NRXN1: variants seen among roughly 807,000 people sequenced by gnomAD.
NRXN1 encodes neurexin 1.
NRXN1 carries 39 observed loss-of-function variants against 150.9 expected under a neutral mutation model. The observed-to-expected ratio is 0.26, with a 90% CI of 0.20 to 0.34. The LOEUF is 0.34. Ranked by LOEUF, NRXN1 falls within the 10% of genes least tolerant of loss-of-function variation. The pLI, the probability that NRXN1 is intolerant of heterozygous loss-of-function variation, is 1.00. For synonymous variants in NRXN1, 924 were observed against 757.0 expected (o/e 1.22, Z -3.62); for missense variants, 1,815 against 1,949.9 (o/e 0.93, Z 1.30).
intron 5 of NRXN1, among the ~76,000 whole-genome samples, chr2:50,697,262 T>A (rs1444051733): frequency 1.3e-5 from 2 of 152,158 alleles, no homozygotes; most frequent in African/African-American, 4.8e-5. Flanking sequence ...AGGAAAAGTT[T>A]TTTTAGAAAA....
intron 5 of NRXN1, among the ~76,000 whole-genome samples, chr2:50,884,661 CACTTGAAACTCTATGGAA>C (rs1286295360): frequency 6.6e-6 from 1 of 151,416 alleles, no homozygotes; most frequent in Non-Finnish European, 1.5e-5. Flanking sequence ...GTAATATCTA[CACTTGAAACTCTATGGAA>C]ACTTGAAACT....
At chr2:50,232,382 C>CTTTTTTTTTTTTTTTTTTT (rs1478653799) in intron 18 of NRXN1, among the ~76,000 whole-genome samples, 1 of 113,972 alleles carries the variant, frequency 8.8e-6, no homozygotes, top group Non-Finnish European at 1.8e-5. Context: ...TCTTTCTTTT[C>CTTTTTTTTTTTTTTTTTTT]TTTTCTTTTT....
intron 2 of NRXN1, among the ~76,000 whole-genome samples, chr2:50,972,972 A>C (rs1055916737): frequency 1.3e-5 from 2 of 152,246 alleles, no homozygotes; most frequent in African/African-American, 4.8e-5. Context: ...AAATTAACTC[A>C]GTGGCCCTGT....
At chr2:50,708,720 G>C (rs1694761822) in intron 5 of NRXN1, among the ~76,000 whole-genome samples, 1 of 152,122 alleles carries the variant, frequency 6.6e-6, no homozygotes, top group South Asian at 2.1e-4. Flanking sequence ...AAGGTGTAAA[G>C]TATCGGTGGG....
intron 18 of NRXN1, among the ~76,000 whole-genome samples, chr2:50,184,143 C>T (rs1167269093): frequency 2.6e-5 from 4 of 152,028 alleles, no homozygotes; most frequent in Non-Finnish European, 5.9e-5. Context: ...CTCCATAATT[C>T]ATATTAAACA....
intron 5 of NRXN1, chr2:50,829,553 G>C: frequency 6.2e-7 from 1 of 1,611,632 alleles, no homozygotes; most frequent in East Asian, 2.2e-5. Context: ...TCTTAGGAGG[G>C]GTTTTCTTAA....
chr2:50,673,846 G>A (rs547289260), intron 5 of NRXN1, among the ~76,000 whole-genome samples: 9 of 152,050 alleles, frequency 5.9e-5, no homozygotes, highest in African/African-American at 2.2e-4. Context: ...CTACACCATG[G>A]AATACTATGC....
intron 5 of NRXN1, among the ~76,000 whole-genome samples, chr2:50,711,393 T>C (rs979083053): frequency 2.7e-5 from 4 of 147,444 alleles, no homozygotes; most frequent in Non-Finnish European, 5.9e-5. Flanking sequence ...TGGAGTGCAA[T>C]GGCACAATCT....
intron 5 of NRXN1, among the ~76,000 whole-genome samples, chr2:50,627,357 ATGTG>A (rs34870955): frequency 0.23 from 32,685 of 143,410 alleles, 3,705 homozygotes; most frequent in Middle Eastern, 0.27. Context: ...TGGTTCATGT[ATGTG>A]TGTGTGTGTG....
chr2:50,182,010 T>C (rs2060753566), intron 18 of NRXN1, among the ~76,000 whole-genome samples: 1 of 151,730 alleles, frequency 6.6e-6, no homozygotes, highest in South Asian at 2.1e-4. Flanking sequence ...TTCCATATCT[T>C]TTTTGGTAGC....
chr2:50,351,070 C>G (rs933174715), intron 17 of NRXN1, among the ~76,000 whole-genome samples: 1 of 152,132 alleles, frequency 6.6e-6, no homozygotes, highest in Non-Finnish European at 1.5e-5. Context: ...CTGGATGAAG[C>G]AAATAAAGCT....
chr2:50,054,629 T>TA (rs1693312112), intron 20 of NRXN1, among the ~76,000 whole-genome samples: 1 of 152,182 alleles, frequency 6.6e-6, no homozygotes, highest in African/African-American at 2.4e-5. Flanking sequence ...CTGGAACATG[T>TA]AATATAGTCT....
chr2:50,595,052 T>C (rs1241248350), intron 8 of NRXN1, among the ~76,000 whole-genome samples: 1 of 151,456 alleles, frequency 6.6e-6, no homozygotes, highest in Middle Eastern at 3.2e-3. Flanking sequence ...GCGGAGATCT[T>C]ATCTGCACAT....
intron 12 of NRXN1, among the ~76,000 whole-genome samples, chr2:50,522,548 C>T (rs2092816668): frequency 6.6e-6 from 1 of 151,994 alleles, no homozygotes; most frequent in East Asian, 1.9e-4. Flanking sequence ...TAATCATTCA[C>T]TAAAATAGAC....
At chr2:50,840,170 G>A (rs1672668869) in intron 5 of NRXN1, among the ~76,000 whole-genome samples, 1 of 152,072 alleles carries the variant, frequency 6.6e-6, no homozygotes. Flanking sequence ...CTACATAATA[G>A]TTACAAATGT....
chr2:50,003,224 T>C (rs1474288914), intron 21 of NRXN1, among the ~76,000 whole-genome samples: 3 of 152,058 alleles, frequency 2.0e-5, no homozygotes, highest in African/African-American at 7.2e-5. Flanking sequence ...CTACAACAGG[T>C]ACAGAGATGA....
At position 50,496,496 on chromosome 2, in the gene NRXN1, C is replaced by A. The variant is rs183191473; in HGVS notation, c.2880-401G>T. Among the ~76,000 whole-genome samples, 503 of 152,260 alleles carry A rather than the reference C, an allele frequency of 3.3e-3. 5 individuals are homozygous for A. Among genetic ancestry groups the A allele is most frequent in the South Asian group, 5.6e-3 (27 of 4,826 alleles). On this transcript the variant is annotated intron_variant, in intron 14 of 22. Transcript: ENST00000401669. ...CGATTCCCTGTTTGAGGATAGGGAACGTGTACTCATCCTTCAACATCCAGG... is the reference window on the plus strand; with the variant it reads ...CGATTCCCTGTTTGAGGATAGGGAAAGTGTACTCATCCTTCAACATCCAGG...
At chr2:50,449,171 A>G (rs1430153380) in intron 17 of NRXN1, among the ~76,000 whole-genome samples, 3 of 152,226 alleles carry the variant, frequency 2.0e-5, no homozygotes, top group Non-Finnish European at 4.4e-5. Context: ...GGAATGCAGG[A>G]ATTGTCTTCA....
chr2:50,616,231 C>T (rs1679037184), intron 8 of NRXN1: 1 of 152,044 alleles, frequency 6.6e-6, no homozygotes, highest in Non-Finnish European at 1.5e-5. Context: ...TTCAAAGTTC[C>T]TTGTCATTTT....
Sources: gnomAD v4.1 joint callset for allele counts (sites outside exome capture counted in the v4.1 genomes callset) on GRCh38, gnomAD v4.1.1 for gene constraint, MANE v1.5 for transcripts, NCBI Gene and HGNC (gene_info 2026-07-23, HGNC 2026-07-21) for gene names.